FBXL5: variants seen among roughly 807,000 people sequenced by gnomAD.
The protein encoded by FBXL5 is F-box and leucine rich repeat protein 5.
FBXL5 carries 26 observed loss-of-function variants against 78.3 expected under a neutral mutation model. The observed-to-expected ratio is 0.33, with a 90% CI of 0.24 to 0.46. FBXL5 has a LOEUF of 0.46. FBXL5 is among the 20% of genes least tolerant of loss of function. The pLI is 1.00. For synonymous variants in FBXL5, 295 were observed against 282.5 expected, an observed-to-expected ratio of 1.04 and a Z score of -0.45; for missense variants, 710 against 829.2, an observed-to-expected ratio of 0.86 and a Z score of 1.77.
intron 9 of FBXL5, among the ~76,000 whole-genome samples, chr4:15,619,784 T>C (rs1029815778): frequency 1.3e-5 from 2 of 152,014 alleles, no homozygotes; most frequent in Admixed American, 1.3e-4. Context: ...GGAGTTTGAG[T>C]TGAGCCTCAG....
chr4:15,626,001 T>C (rs1409755867), intron 8 of FBXL5, 24 bp from the exon 9 acceptor site: 3 of 1,513,918 alleles, frequency 2.0e-6, no homozygotes, highest in South Asian at 1.3e-5. Context: ...ACAAGACTAT[T>C]AATGAATATT....
intron 1 of FBXL5, among the ~76,000 whole-genome samples, chr4:15,665,455 A>AC (rs1717501587): frequency 6.6e-6 from 1 of 152,140 alleles, no homozygotes; most frequent in East Asian, 1.9e-4. Flanking sequence ...TGCAGGAATT[A>AC]CCCCAACCAA....
intron 7 of FBXL5, 126 bp from the exon 8 acceptor site, chr4:15,627,081 A>G (rs1713135234): frequency 2.0e-6 from 1 of 498,494 alleles, no homozygotes; most frequent in Non-Finnish European, 3.6e-6. Flanking sequence ...TCACTTGAAT[A>G]CTTGAAAAAA....
In FBXL5 at chr4:15,626,920, C is replaced by T. The variant is rs779567995; in HGVS notation, c.1077G>A (p.Glu359=). 6.2e-7 allele frequency: 1 copy of T among 1,612,210 alleles called. No individual in the cohort carries two copies. The highest frequency in any genetic ancestry group is 1.7e-5 in the Admixed American group (1 of 59,894). ...RQILELCPNL[E]HLDLTQTDIS... is the part of the protein sequence containing the mutation. ...TGTCAGTCTGGGTAAGATCCAGATG[C>T]TCCAGGTTAGGACAAAGCTCTAAAA... The change falls in exon 8 of 11, where the codon GAG becomes GAA. Residue 359 remains glutamate, a synonymous_variant. Transcript: ENST00000341285.
rs1158279636 is a variant in FBXL5 at position 15,625,798 on chromosome 4, T to C, written c.1304A>G (p.Asp435Gly). 1 of 1,614,148 alleles carries C rather than the reference T, an allele frequency of 6.2e-7. No individual in the cohort carries two copies. Among genetic ancestry groups the C allele is most frequent in the South Asian group, 1.1e-5 (1 of 91,082 alleles). The change falls in exon 9 of 11, where the codon GAC becomes GGC. Residue 435 changes from aspartate to glycine, a missense_variant. By Grantham distance (94) the Asp-to-Gly change is moderately conservative. Coordinates refer to ENST00000341285, the MANE Select transcript of FBXL5 (RefSeq NM_012161.4). Reference protein sequence around the residue: ...KITSTAWKNKDITMQSTKQYA... With the variant: ...KITSTAWKNKGITMQSTKQYA... ...CTGCTTGGTGGACTGCATGGTAATG[T>C]CTTTATTTTTCCACGCAGTTGAAGT...
chr4:15,607,594 T>C (rs758962587), intron 10 of FBXL5, among the ~76,000 whole-genome samples: 1 of 152,134 alleles, frequency 6.6e-6, no homozygotes. Flanking sequence ...AGTTTTTCCT[T>C]TGAATATAAT....
chr4:15,621,687 T>C (rs902088900), intron 9 of FBXL5, among the ~76,000 whole-genome samples: 5 of 152,212 alleles, frequency 3.3e-5, no homozygotes, highest in Admixed American at 6.5e-5. Flanking sequence ...AAAATTTAGA[T>C]AAGAGGCTAT....
intron 2 of FBXL5, among the ~76,000 whole-genome samples, chr4:15,641,290 C>T (rs1369589586): frequency 6.6e-6 from 1 of 152,024 alleles, no homozygotes; most frequent in African/African-American, 2.4e-5. Flanking sequence ...TATAGTTGAC[C>T]CTTGAACAAC....
intron 1 of FBXL5, among the ~76,000 whole-genome samples, chr4:15,654,312 T>C (rs937333827): frequency 6.6e-6 from 1 of 152,204 alleles, no homozygotes; most frequent in Non-Finnish European, 1.5e-5. Context: ...TCCATGACTT[T>C]CCCCAACATA....
chr4:15,615,145 T>G (rs1439449176), intron 9 of FBXL5, among the ~76,000 whole-genome samples: 1 of 152,168 alleles, frequency 6.6e-6, no homozygotes, highest in East Asian at 1.9e-4. Context: ...CTTAGCTGCC[T>G]TCCTGCGGGG....
At chr4:15,617,221 C>A (rs184297566) in intron 9 of FBXL5, among the ~76,000 whole-genome samples, 11 of 152,232 alleles carry the variant, frequency 7.2e-5, no homozygotes, top group African/African-American at 2.6e-4. Context: ...AACCTAAATA[C>A]CCATAAGTCA....
At position 15,633,340 on chromosome 4, in the gene FBXL5, C is replaced by T. The variant is rs563385860; in HGVS notation, c.767-2549G>A. Among the ~76,000 whole-genome samples, 5 of 152,208 alleles carry T rather than the reference C, an allele frequency of 3.3e-5. No homozygotes were observed. The South Asian group carries it at 1.0e-3, about 32-fold the overall frequency. On this transcript the variant is annotated intron_variant, in intron 5 of 10. Transcript: ENST00000341285. The stretch of plus-strand genomic sequence containing the variant: ...GTCTTGCATAAAATTTTAGAAATCA[C>T]GATGAGCAAACAATTTCCCCTGCTG...
upstream of FBXL5, among the ~76,000 whole-genome samples, chr4:15,664,550 CTTTTTTTTTTT>C (rs35319145): frequency 2.6e-5 from 2 of 75,520 alleles, no homozygotes; most frequent in Admixed American, 2.1e-4. Flanking sequence ...GGCCCTCATC[CTTTTTTTTTTT>C]TTTTTTTTTT....
rs1250663510 is a variant in FBXL5, at chr4:15,604,899, T to G, written c.*824A>C. 6.6e-6 allele frequency: 1 copy of G among 152,252 alleles called. No homozygotes were observed. The highest frequency in any genetic ancestry group is 1.5e-5 in the Non-Finnish European group (1 of 68,044). The allele number at this position is 152,252 out of a possible 1,614,324, so 9.4% of individuals were successfully genotyped here. A position where few individuals can be genotyped will look rare whatever the true frequency, so the allele number is the denominator to read the frequency against. ...TTCAGTATCTGTCTAAAACTATTTGTCAGGGTAATAAGTTCATGGGAGGTC... is the reference window on the plus strand; with the variant it reads ...TTCAGTATCTGTCTAAAACTATTTGGCAGGGTAATAAGTTCATGGGAGGTC... On this transcript the variant is annotated 3_prime_UTR_variant, in exon 11 of 11. Transcript: ENST00000341285.
upstream of FBXL5, among the ~76,000 whole-genome samples, chr4:15,660,136 T>A: frequency 6.6e-6 from 1 of 151,962 alleles, no homozygotes; most frequent in South Asian, 2.1e-4. Flanking sequence ...TGGAGTGCAG[T>A]GGCACAAACA....
At chr4:15,655,519 C>T (rs1416569315), upstream of FBXL5, 2 of 335,516 alleles carry the variant, frequency 6.0e-6, no homozygotes, top group Non-Finnish European at 8.5e-6. Flanking sequence ...CCTCCCGCCC[C>T]CACTCTTTTC....
At chr4:15,656,466 C>T, upstream of FBXL5, 1 of 348,182 alleles carries the variant, frequency 2.9e-6, no homozygotes, top group Non-Finnish European at 5.7e-6. Context: ...CACCCTTGTT[C>T]TCTATTATCT....
intron 1 of FBXL5, among the ~76,000 whole-genome samples, chr4:15,674,380 C>A (rs1717887728): frequency 6.6e-6 from 1 of 152,092 alleles, no homozygotes; most frequent in Admixed American, 6.5e-5. Context: ...TATGTGAGAA[C>A]TGCACTTGAG....
intron 9 of FBXL5, among the ~76,000 whole-genome samples, chr4:15,618,474 G>T (rs1712132733): frequency 6.6e-6 from 1 of 152,208 alleles, no homozygotes; most frequent in South Asian, 2.1e-4. Context: ...ATAAGAAGAT[G>T]AATCAAAACC....
Sources: allele counts gnomAD v4.1 joint callset (sites outside exome capture counted in the v4.1 genomes callset), GRCh38; gene constraint gnomAD v4.1.1; transcripts MANE v1.5; gene names NCBI Gene and HGNC (gene_info 2026-07-23, HGNC 2026-07-21).